MICU2: variants seen among roughly 807,000 people sequenced by gnomAD.
MICU2 encodes mitochondrial calcium uptake 2.
Under a neutral mutation model 60.4 loss-of-function variants are expected in MICU2, and 64 were observed. That is an observed-to-expected ratio of 1.06 (90% confidence interval 0.87 to 1.31). The LOEUF (loss-of-function observed/expected upper bound fraction) is 1.31. Among genes scored for constraint, MICU2 ranks in the 50% most tolerant of loss-of-function variants. MICU2 has a pLI of 0.00. For missense variants in MICU2, 569 were observed against 531.0 expected, an observed-to-expected ratio of 1.07 and a Z score of -0.70; for synonymous variants, 201 against 175.0, an observed-to-expected ratio of 1.15 and a Z score of -1.17.
At chr13:21,584,662 T>C (rs1262652190) in intron 1 of MICU2, among the ~76,000 whole-genome samples, 1 of 152,214 alleles carries the variant, frequency 6.6e-6, no homozygotes, top group Non-Finnish European at 1.5e-5. Context: ...TGATTCATTA[T>C]TATTTTTATA....
chr13:21,502,609 T>C (rs1296309128), intron 9 of MICU2, among the ~76,000 whole-genome samples: 1 of 152,214 alleles, frequency 6.6e-6, no homozygotes, highest in Non-Finnish European at 1.5e-5. Context: ...TACTACCCCC[T>C]TTCACATTTT....
intron 1 of MICU2, among the ~76,000 whole-genome samples, chr13:21,573,504 G>A (rs1888160199): frequency 6.6e-6 from 1 of 152,080 alleles, no homozygotes; most frequent in South Asian, 2.1e-4. Flanking sequence ...GATCTCCTGA[G>A]CTAGTGATCC....
rs372397040 is a variant in MICU2 at position 21,603,965 on chromosome 13, C to A, written c.184G>T (p.Asp62Tyr). ...HHSRVSVAAR[D>Y]GSFTVSAQKN... ...TGTGCGGAGACTGTAAAACTGCCATCCCGCGCCGCAACACTGACGCGGCTG... is the reference window on the plus strand; with the variant it reads ...TGTGCGGAGACTGTAAAACTGCCATACCGCGCCGCAACACTGACGCGGCTG... The change falls in exon 1 of 12, where the codon GAT (aspartate) becomes TAT (tyrosine). Residue 62 changes from aspartate to tyrosine, a missense_variant. Physicochemically the swap from Asp to Tyr is radical, Grantham distance 160 (BLOSUM62 -3). Transcript: ENST00000382374. 5 of 1,612,440 alleles carry A rather than the reference C, an allele frequency of 3.1e-6. No homozygotes were observed. The South Asian group carries it at 4.4e-5, about 14-fold the overall frequency.
At chr13:21,588,125 T>A (rs984419834) in intron 1 of MICU2, among the ~76,000 whole-genome samples, 1 of 152,178 alleles carries the variant, frequency 6.6e-6, no homozygotes, top group Non-Finnish European at 1.5e-5. Context: ...AGAGCAAGGA[T>A]GGACTGCCCC....
chr13:21,584,363 T>C (rs1241296469), intron 1 of MICU2, among the ~76,000 whole-genome samples: 1 of 145,892 alleles, frequency 6.9e-6, no homozygotes, highest in Non-Finnish European at 1.5e-5. Flanking sequence ...CACTCCAGCC[T>C]GGGTGACAGA....
chr13:21,582,655 A>AT (rs1175205378), intron 1 of MICU2, among the ~76,000 whole-genome samples: 4 of 152,120 alleles, frequency 2.6e-5, no homozygotes, highest in Non-Finnish European at 5.9e-5. Context: ...ACTCATTCTA[A>AT]TTACCTGCTC....
chr13:21,538,274 T>C (rs1375081255), intron 4 of MICU2, among the ~76,000 whole-genome samples: 1 of 150,910 alleles, frequency 6.6e-6, no homozygotes. Flanking sequence ...GTATCAAAAA[T>C]ATTAAAAAAA....
Position 21,526,313 on chromosome 13 carries a change from A to G in MICU2, c.467-3663T>C, listed in dbSNP as rs536130472. On this transcript the variant is annotated intron_variant, in intron 4 of 11. Transcript: ENST00000382374. ...TTTCTCCCTTGTCTTTTTTGCCCCT[A>G]CCTTTCAATTTAATTGTTGAAAAAG... Among the ~76,000 whole-genome samples the G allele has an allele frequency of 1.8e-3, 280 of 151,376 alleles. 2 individuals are homozygous for G. Among genetic ancestry groups the G allele is most frequent in the African/African-American group, 6.4e-3 (263 of 41,250 alleles).
intron 2 of MICU2, 52 bp downstream of exon 2, chr13:21,566,745 T>C (rs2138039854): frequency 6.9e-7 from 1 of 1,455,004 alleles, no homozygotes; most frequent in East Asian, 2.5e-5. Flanking sequence ...AACAGGTTTT[T>C]CAGCCCTGAA....
intron 2 of MICU2, among the ~76,000 whole-genome samples, chr13:21,551,770 T>A (rs1364434746): frequency 6.6e-6 from 1 of 151,948 alleles, no homozygotes; most frequent in Non-Finnish European, 1.5e-5. Context: ...CATGAACTCA[T>A]CATTTTTTAT....
intron 6 of MICU2, among the ~76,000 whole-genome samples, chr13:21,517,471 C>G (rs1886598230): frequency 6.6e-6 from 1 of 152,062 alleles, no homozygotes; most frequent in African/African-American, 2.4e-5. Flanking sequence ...TGAAGAAAAT[C>G]TCAAATATAA....
intron 1 of MICU2, 28 bp from the exon 2 acceptor site, chr13:21,566,972 GA>G: frequency 6.4e-7 from 1 of 1,572,940 alleles, no homozygotes; most frequent in Non-Finnish European, 8.6e-7. Flanking sequence ...TGCAATTGAA[GA>G]TTTTTTCAGT....
At chr13:21,503,338 T>C (rs1016268237) in intron 8 of MICU2, among the ~76,000 whole-genome samples, 1 of 152,212 alleles carries the variant, frequency 6.6e-6, no homozygotes, top group African/African-American at 2.4e-5. Flanking sequence ...GTGTAAGTTA[T>C]ACCTGGCAAC....
chr13:21,552,428 G>A (rs1455362056), intron 2 of MICU2, among the ~76,000 whole-genome samples: 2 of 152,144 alleles, frequency 1.3e-5, no homozygotes, highest in Non-Finnish European at 2.9e-5. Flanking sequence ...AAGCTCTTGA[G>A]TTTAATTAGA....
chr13:21,575,060 G>C (rs562978643), intron 1 of MICU2, among the ~76,000 whole-genome samples: 44 of 152,294 alleles, frequency 2.9e-4, no homozygotes, highest in Middle Eastern at 3.4e-3. Flanking sequence ...AATATCGTCT[G>C]ATCTATGATG....
intron 1 of MICU2, among the ~76,000 whole-genome samples, chr13:21,582,155 A>G (rs763962017): frequency 2.0e-5 from 3 of 152,182 alleles, no homozygotes; most frequent in East Asian, 1.9e-4. Flanking sequence ...GCAAGGAGAC[A>G]GGGGCAAGGG....
At chr13:21,577,537 G>T (rs1458488287) in intron 1 of MICU2, among the ~76,000 whole-genome samples, 2 of 152,126 alleles carry the variant, frequency 1.3e-5, no homozygotes, top group Non-Finnish European at 2.9e-5. Context: ...GCTGGGCGTG[G>T]TGGCTCACAC....
chr13:21,556,624 C>T (rs113528162), intron 2 of MICU2, among the ~76,000 whole-genome samples: 14 of 152,048 alleles, frequency 9.2e-5, no homozygotes, highest in East Asian at 5.8e-4. Context: ...GAGAAGGGGG[C>T]GGAGGAATCA....
intron 2 of MICU2, 149 bp from the exon 3 acceptor site, chr13:21,539,837 G>T: frequency 1.5e-6 from 1 of 687,044 alleles, no homozygotes; most frequent in Non-Finnish European, 2.4e-6. Context: ...ATATCCTTAA[G>T]CCATAATCAT....
Sources: allele counts gnomAD v4.1 joint callset (sites outside exome capture counted in the v4.1 genomes callset), GRCh38; gene constraint gnomAD v4.1.1; transcripts MANE v1.5; gene names NCBI Gene and HGNC (gene_info 2026-07-23, HGNC 2026-07-21).